The following SLC23A2 variants were observed in gnomAD, a reference collection of about 807,000 sequenced individuals.
SLC23A2 encodes the protein Na(+)/L-ascorbic acid transporter 2.
Under a neutral mutation model 73.3 loss-of-function variants are expected in SLC23A2, and 36 were observed. That is an observed-to-expected ratio of 0.49 (90% CI 0.38 to 0.65). The LOEUF is 0.65. SLC23A2 is among the 30% of genes least tolerant of loss of function. The pLI, the probability that SLC23A2 is intolerant of heterozygous loss-of-function variation, is 0.00. For missense variants in SLC23A2, 507 were observed against 841.6 expected, an observed-to-expected ratio of 0.60 and a Z score of 4.92; for synonymous variants, 343 against 327.3, an observed-to-expected ratio of 1.05 and a Z score of -0.52.
chr20:4,970,238 G>A (rs1459609644), intron 2 of SLC23A2, among the ~76,000 whole-genome samples: 1 of 152,152 alleles, frequency 6.6e-6, no homozygotes, highest in African/African-American at 2.4e-5. Context: ...GCAAGACTGT[G>A]CCTGTTTATT....
chr20:4,889,257 G>A (rs1330138259), intron 6 of SLC23A2, among the ~76,000 whole-genome samples: 2 of 152,090 alleles, frequency 1.3e-5, no homozygotes, highest in Non-Finnish European at 2.9e-5. Context: ...GGGTATTCCG[G>A]GCAGAGAGAG....
chr20:4,857,740 A>G lies in SLC23A2; in HGVS notation c.1721-536T>C, dbSNP rs1002460371. On this transcript the variant is annotated intron_variant, in intron 16 of 16. Coordinates refer to ENST00000338244, the MANE Select transcript of SLC23A2 (RefSeq NM_005116.6). The surrounding 1 kb of genome is among the most constrained non-coding windows in gnomAD (Gnocchi z 4.0). The stretch of plus-strand genomic sequence containing the variant: ...GAAGTCAGGAGTTCGAGACCAGCCT[A>G]GCCAACATGGTGAAATCCCGTCCCC... Among the ~76,000 whole-genome samples the G allele has an allele frequency of 6.6e-6, 1 of 152,050 alleles. No individual in the cohort carries two copies. The highest frequency in any genetic ancestry group is 6.6e-5 in the Admixed American group (1 of 15,266).
chr20:4,999,689 G>A lies in SLC23A2; in HGVS notation c.-282+1717C>T, dbSNP rs1169315912. 5.3e-5 allele frequency among the ~76,000 whole-genome samples: 8 copies of A among 152,014 alleles called. 1 individual carries two copies. The South Asian group carries it at 8.3e-4, about 16-fold the overall frequency. On this transcript the variant is annotated intron_variant, in intron 1 of 16. Transcript: ENST00000338244. ...ATTACAGGTGTGAACCACAACACCCGGCCCAGGTACTTCAATAGGCATTTT... is the reference window on the plus strand; with the variant it reads ...ATTACAGGTGTGAACCACAACACCCAGCCCAGGTACTTCAATAGGCATTTT...
chr20:4,893,972 A>T (rs1380545108), intron 6 of SLC23A2, among the ~76,000 whole-genome samples: 1 of 152,270 alleles, frequency 6.6e-6, no homozygotes, highest in South Asian at 2.1e-4. Flanking sequence ...ACCAAGGGTC[A>T]GGGGTGGGAA....
intron 6 of SLC23A2, among the ~76,000 whole-genome samples, chr20:4,889,706 C>T (rs1255750440): frequency 6.6e-6 from 1 of 152,008 alleles, no homozygotes; most frequent in African/African-American, 2.4e-5. Context: ...TCCTGCCCAT[C>T]TCAACCTTGA....
chr20:4,993,626 AT>A (rs1281257905), intron 1 of SLC23A2, among the ~76,000 whole-genome samples: 1 of 152,158 alleles, frequency 6.6e-6, no homozygotes, highest in African/African-American at 2.4e-5. Flanking sequence ...AGAAATTCAC[AT>A]TAATTTTAGA....
intron 3 of SLC23A2, among the ~76,000 whole-genome samples, 157 bp from the exon 4 acceptor site, chr20:4,913,135 G>T (rs182816209): frequency 3.3e-4 from 50 of 152,356 alleles, no homozygotes; most frequent in African/African-American, 1.2e-3. Flanking sequence ...CTTAGCAGAA[G>T]GCTCAGCCGG....
intron 6 of SLC23A2, among the ~76,000 whole-genome samples, chr20:4,897,352 G>A (rs1931575649): frequency 1.3e-5 from 2 of 152,170 alleles, no homozygotes; most frequent in Non-Finnish European, 2.9e-5. Context: ...TAAGCAAATG[G>A]CCACACTGTG....
chr20:4,935,670 G>A (rs1371812462), intron 2 of SLC23A2, among the ~76,000 whole-genome samples: 2 of 152,016 alleles, frequency 1.3e-5, no homozygotes, highest in African/African-American at 4.8e-5. Flanking sequence ...GTGGTGGCGG[G>A]CGCCTGTAGT....
intron 1 of SLC23A2, among the ~76,000 whole-genome samples, chr20:4,977,312 G>A (rs1032957614): frequency 6.6e-6 from 1 of 152,174 alleles, no homozygotes; most frequent in African/African-American, 2.4e-5. Context: ...GGTTTCAGAT[G>A]TAGGTGGTGT....
chr20:4,983,373 G>A (rs879879043), intron 1 of SLC23A2, among the ~76,000 whole-genome samples: 22 of 151,766 alleles, frequency 1.4e-4, no homozygotes, highest in Non-Finnish European at 2.8e-4. Context: ...CAGGCTGGGC[G>A]CAGTGGCTCA....
chr20:4,954,698 C>CAAAAAAAAAAAAA (rs200579910), intron 2 of SLC23A2, among the ~76,000 whole-genome samples: 1 of 55,090 alleles, frequency 1.8e-5, no homozygotes, highest in African/African-American at 5.3e-5. Context: ...GACTCCATCA[C>CAAAAAAAAAAAAA]AAAAAAAAAA....
intron 15 of SLC23A2, among the ~76,000 whole-genome samples, chr20:4,861,492 T>C (rs1929962535): frequency 6.6e-6 from 1 of 152,228 alleles, no homozygotes; most frequent in African/African-American, 2.4e-5. Context: ...GACATTGCAG[T>C]GTTAAAACAA....
At chr20:4,976,224 T>C (rs1029573722) in intron 1 of SLC23A2, among the ~76,000 whole-genome samples, 12 of 152,102 alleles carry the variant, frequency 7.9e-5, no homozygotes, top group African/African-American at 2.9e-4. Context: ...AGGTTAAGGA[T>C]ATTAACCCTT....
chr20:4,959,661 C>T (rs1420802753), intron 2 of SLC23A2, among the ~76,000 whole-genome samples: 1 of 151,934 alleles, frequency 6.6e-6, no homozygotes, highest in East Asian at 1.9e-4. Flanking sequence ...CCACACCTGG[C>T]TAATTTTTCT....
At position 4,885,167 on chromosome 20, in the gene SLC23A2, A is replaced by C. The variant is rs535767960; in HGVS notation, c.572-344T>G. On this transcript the variant is annotated intron_variant, in intron 7 of 16. Coordinates refer to ENST00000338244, the MANE Select transcript of SLC23A2 (RefSeq NM_005116.6). ...AGGTTGCTGGACTGAGGTTTGAAAA[A>C]CTTAGATAAAACAGAGGGCCTTTTC... Among the ~76,000 whole-genome samples the C allele has an allele frequency of 6.0e-4, 91 of 152,300 alleles. 1 individual carries two copies. The highest frequency in any genetic ancestry group is 9.6e-4 in the Non-Finnish European group (65 of 68,022).
At chr20:4,879,767 T>C (rs988071615) in intron 9 of SLC23A2, among the ~76,000 whole-genome samples, 5 of 152,242 alleles carry the variant, frequency 3.3e-5, no homozygotes, top group Non-Finnish European at 7.3e-5. Flanking sequence ...CTGTGAATTC[T>C]TGAAATGACG....
At chr20:4,963,978 A>G (rs2087433549) in intron 2 of SLC23A2, among the ~76,000 whole-genome samples, 1 of 152,016 alleles carries the variant, frequency 6.6e-6, no homozygotes, top group South Asian at 2.1e-4. Flanking sequence ...CTTTGGATAT[A>G]CTGCTAGTGG....
upstream of SLC23A2, among the ~76,000 whole-genome samples, chr20:5,005,040 A>AAAT (rs2088176346): frequency 9.6e-6 from 1 of 103,732 alleles, no homozygotes; most frequent in African/African-American, 3.4e-5. Context: ...AATAAATAAA[A>AAAT]ATTTAATAGC....
Sources: allele counts gnomAD v4.1 joint callset (sites outside exome capture counted in the v4.1 genomes callset), GRCh38; gene constraint gnomAD v4.1.1; non-coding constraint Gnocchi (gnomAD v3.1); transcripts MANE v1.5; gene names NCBI Gene and HGNC (gene_info 2026-07-23, HGNC 2026-07-21).